Variants in SRBD1 observed in about 807,000 individuals in gnomAD.
SRBD1 encodes S1 RNA-binding domain-containing protein 1.
A neutral mutation model predicts 115.3 loss-of-function variants in SRBD1; 88 were observed. That is an observed-to-expected ratio of 0.76 (90% CI 0.64 to 0.91). SRBD1 has a LOEUF of 0.91. Among genes scored for constraint, SRBD1 ranks in the 40% least tolerant of loss-of-function variants. The probability of loss-of-function intolerance (pLI) is 0.00; values close to 1 mark genes in which losing one functional copy is unlikely to be tolerated. For missense variants in SRBD1, 1,385 were observed against 1,177.4 expected, an observed-to-expected ratio of 1.18 and a Z score of -2.58; for synonymous variants, 509 against 407.7, an observed-to-expected ratio of 1.25 and a Z score of -2.99.
chr2:45,508,698 CT>C (rs1670870289), intron 14 of SRBD1, among the ~76,000 whole-genome samples: 1 of 152,066 alleles, frequency 6.6e-6, no homozygotes, highest in Non-Finnish European at 1.5e-5. Context: ...GCTATGTTGA[CT>C]TAACTTTGAC....
chr2:45,597,784 T>C (rs1231787748), intron 4 of SRBD1, among the ~76,000 whole-genome samples: 1 of 152,244 alleles, frequency 6.6e-6, no homozygotes, highest in Non-Finnish European at 1.5e-5. Flanking sequence ...GCTTATATAC[T>C]TGTAACCTAG....
intron 16 of SRBD1, among the ~76,000 whole-genome samples, chr2:45,431,631 G>A (rs1481695209): frequency 1.3e-5 from 2 of 152,150 alleles, no homozygotes; most frequent in Admixed American, 1.3e-4. Flanking sequence ...CTGTCAGGGG[G>A]TGGAAGGCTA....
At chr2:45,472,628 G>T (rs1030436671) in intron 16 of SRBD1, among the ~76,000 whole-genome samples, 1 of 152,132 alleles carries the variant, frequency 6.6e-6, no homozygotes, top group African/African-American at 2.4e-5. Flanking sequence ...GGCCAGGTGC[G>T]TGTCACCATG....
intron 14 of SRBD1, among the ~76,000 whole-genome samples, chr2:45,506,641 T>C (rs1670807722): frequency 6.6e-6 from 1 of 152,194 alleles, no homozygotes; most frequent in African/African-American, 2.4e-5. Context: ...TTAAACTCTA[T>C]GCTCAAGTAA....
intron 7 of SRBD1, among the ~76,000 whole-genome samples, chr2:45,579,578 A>C (rs1673281412): frequency 6.6e-6 from 1 of 152,116 alleles, no homozygotes; most frequent in East Asian, 1.9e-4. Flanking sequence ...GACAAGTTAC[A>C]AACTGGGAAA....
At chr2:45,437,170 T>C (rs941887701) in intron 16 of SRBD1, among the ~76,000 whole-genome samples, 3 of 152,136 alleles carry the variant, frequency 2.0e-5, no homozygotes, top group East Asian at 3.8e-4. Context: ...ACTGTCAAGA[T>C]GTCAGTTCTT....
At chr2:45,513,552 T>C (rs1317272661) in intron 14 of SRBD1, among the ~76,000 whole-genome samples, 1 of 152,166 alleles carries the variant, frequency 6.6e-6, no homozygotes, top group Non-Finnish European at 1.5e-5. Context: ...GGTGTTATAT[T>C]TCACAACCTT....
chr2:45,536,405 G>A (rs1047184316), intron 14 of SRBD1, among the ~76,000 whole-genome samples: 5 of 151,782 alleles, frequency 3.3e-5, no homozygotes, highest in African/African-American at 1.2e-4. Context: ...ACTTGTTCTA[G>A]CAAACCAATC....
rs59451865 is a variant in SRBD1 at position 45,445,550 on chromosome 2, T to TAAAAAAAAAAAA, written c.2050-25668_2050-25657dup. ...CACAGAAGCAATATCTTCCCAGAGG[T>TAAAAAAAAAAAA]AAAAAAAAAAAAAAAAAAAAAAAAA... On this transcript the variant is annotated intron_variant, in intron 16 of 20. Coordinates refer to ENST00000263736, the MANE Select transcript of SRBD1 (RefSeq NM_018079.5). Among the ~76,000 whole-genome samples, 54 of 37,044 alleles carry TAAAAAAAAAAAA rather than the reference T, an allele frequency of 1.5e-3. 3 individuals are homozygous for TAAAAAAAAAAAA. The highest frequency in any genetic ancestry group is 3.0e-3 in the East Asian group (3 of 992). 24.3% of individuals were successfully genotyped at this position (37,044 alleles called of 152,430 possible).
intron 16 of SRBD1, among the ~76,000 whole-genome samples, chr2:45,465,000 T>TAC (rs58288876): frequency 0.056 from 6,672 of 120,188 alleles, 241 homozygotes; most frequent in East Asian, 0.13. Flanking sequence ...GTTGAGATTG[T>TAC]ACACACACAC....
intron 14 of SRBD1, among the ~76,000 whole-genome samples, chr2:45,545,640 TC>T (rs1435370744): frequency 1.3e-5 from 2 of 152,292 alleles, no homozygotes; most frequent in South Asian, 4.2e-4. Context: ...ATAGGGAAGA[TC>T]CACCGTATTT....
intron 14 of SRBD1, among the ~76,000 whole-genome samples, chr2:45,507,332 G>C (rs370664557): frequency 1.3e-4 from 20 of 152,126 alleles, no homozygotes; most frequent in African/African-American, 4.8e-4. Context: ...ATGTCACTTG[G>C]CTAATGACTC....
chr2:45,449,698 C>G (rs972950363), intron 16 of SRBD1, among the ~76,000 whole-genome samples: 1 of 152,152 alleles, frequency 6.6e-6, no homozygotes, highest in Non-Finnish European at 1.5e-5. Context: ...TGTATTTTTA[C>G]ACCAACATTC....
intron 16 of SRBD1, among the ~76,000 whole-genome samples, chr2:45,441,337 C>T (rs1668662477): frequency 1.3e-5 from 2 of 152,188 alleles, no homozygotes; most frequent in Non-Finnish European, 2.9e-5. Context: ...CAAAACTCTG[C>T]CTCCCATACT....
chr2:45,443,567 G>A (rs1003417561), intron 16 of SRBD1, among the ~76,000 whole-genome samples: 5 of 152,082 alleles, frequency 3.3e-5, no homozygotes, highest in African/African-American at 1.2e-4. Context: ...GACATATGGA[G>A]TTTGGAGTTC....
chr2:45,569,764 G>T (rs1311214806), intron 9 of SRBD1, among the ~76,000 whole-genome samples: 1 of 152,082 alleles, frequency 6.6e-6, no homozygotes, highest in African/African-American at 2.4e-5. Context: ...AGGAGACAGA[G>T]AATTATACTG....
intron 16 of SRBD1, among the ~76,000 whole-genome samples, chr2:45,462,074 T>C (rs977021884): frequency 1.3e-5 from 2 of 152,236 alleles, no homozygotes; most frequent in African/African-American, 4.8e-5. Flanking sequence ...AATCATTTTG[T>C]AGATAAACTT....
In SRBD1 at chr2:45,396,116, C is replaced by CAT. The variant is rs1287282541; in HGVS notation, c.2514-2989_2514-2988dup. Reference sequence around the variant, plus strand: ...GACAATGATCCTAAAAGGTAGGTATCATATCATACAGAAAAAAAAAATGAG... The same window carrying CAT: ...GACAATGATCCTAAAAGGTAGGTATCATATATCATACAGAAAAAAAAAATGAG... On this transcript the variant is annotated intron_variant, in intron 19 of 20. Coordinates refer to ENST00000263736, the MANE Select transcript of SRBD1 (RefSeq NM_018079.5). Among the ~76,000 whole-genome samples the CAT allele has an allele frequency of 2.0e-5, 3 of 151,764 alleles. No homozygotes were observed. In the East Asian group the frequency reaches 5.8e-4, roughly 29 times the overall value.
At chr2:45,503,868 A>G (rs1297744633) in intron 14 of SRBD1, among the ~76,000 whole-genome samples, 1 of 152,192 alleles carries the variant, frequency 6.6e-6, no homozygotes, top group Non-Finnish European at 1.5e-5. Context: ...AACCTAAGAC[A>G]TATATTCTGT....
Sources: allele counts gnomAD v4.1 joint callset (sites outside exome capture counted in the v4.1 genomes callset), GRCh38; gene constraint gnomAD v4.1.1; transcripts MANE v1.5; gene names NCBI Gene and HGNC (gene_info 2026-07-23, HGNC 2026-07-21).